Variants in CXCL17 observed in about 807,000 individuals in gnomAD.
The protein encoded by CXCL17 is C-X-C motif chemokine ligand 17, also known as C-X-C motif chemokine 17.
A neutral mutation model predicts 15.5 loss-of-function variants in CXCL17; 9 were observed. The observed-to-expected ratio is 0.58, with a 90% confidence interval of 0.35 to 1.01. CXCL17 has a LOEUF of 1.01. CXCL17 is among the 50% of genes least tolerant of loss of function. The pLI is 0.02. For synonymous variants in CXCL17, 52 were observed against 52.3 expected (o/e 0.99, Z 0.02); for missense variants, 133 against 138.2 (o/e 0.96, Z 0.19).
At chr19:42,442,111 A>G (rs1417317936) in intron 1 of CXCL17, among the ~76,000 whole-genome samples, 1 of 152,128 alleles carries the variant, frequency 6.6e-6, no homozygotes, top group Non-Finnish European at 1.5e-5. Context: ...TCTTTTGGAA[A>G]AGTGTTGGGG....
At chr19:42,439,323 T>C (rs992061340) in intron 1 of CXCL17, among the ~76,000 whole-genome samples, 4 of 139,374 alleles carry the variant, frequency 2.9e-5, no homozygotes, top group African/African-American at 8.0e-5. Context: ...TCCGATTAAA[T>C]AAATGTAGAA....
chr19:42,433,937 G>T, intron 1 of CXCL17, 81 bp from the exon 2 acceptor site: 1 of 978,344 alleles, frequency 1.0e-6, no homozygotes, highest in Non-Finnish European at 1.6e-6. Flanking sequence ...ACCTAGGTCA[G>T]CACAGTTCCA....
intron 1 of CXCL17, among the ~76,000 whole-genome samples, chr19:42,438,401 TATATA>T (rs2040857415): frequency 1.0e-5 from 1 of 99,952 alleles, no homozygotes; most frequent in African/African-American, 4.8e-5. Flanking sequence ...TATATATATA[TATATA>T]AAATACACAC....
chr19:42,428,840 CT>C lies in CXCL17; in HGVS notation c.*43del. On this transcript the variant is annotated 3_prime_UTR_variant, in exon 4 of 4. Transcript: ENST00000601181. The stretch of plus-strand genomic sequence containing the variant: ...GTCTGGTAGGTGTGCTCACTGTCTT[CT>C]TGGCTGAGAATGTTTAATTGGAAGA... 1 of 1,473,136 alleles carries C rather than the reference CT, an allele frequency of 6.8e-7. No individual in the cohort carries two copies. The highest frequency in any genetic ancestry group is 9.5e-7 in the Non-Finnish European group (1 of 1,051,834). The allele number at this position is 1,473,136 out of a possible 1,614,324, so 91.3% of individuals were successfully genotyped here.
chr19:42,435,986 C>T (rs2040830816), intron 1 of CXCL17, among the ~76,000 whole-genome samples: 1 of 152,148 alleles, frequency 6.6e-6, no homozygotes, highest in Admixed American at 6.5e-5. Flanking sequence ...ATCCAGCCTG[C>T]AGAACTGTGA....
chr19:42,435,828 TA>T (rs34518705), intron 1 of CXCL17, among the ~76,000 whole-genome samples: 28,299 of 136,722 alleles, frequency 0.21, 4,450 homozygotes, highest in African/African-American at 0.44. Context: ...AGACTTTGTC[TA>T]AAAAAAAAAA....
intron 3 of CXCL17, among the ~76,000 whole-genome samples, chr19:42,429,994 C>T (rs1468428278): frequency 1.3e-5 from 2 of 151,840 alleles, no homozygotes; most frequent in Non-Finnish European, 2.9e-5. Flanking sequence ...ATGGCGAAAT[C>T]CTATCTCTAC....
chr19:42,432,936 G>T, intron 3 of CXCL17, 40 bp downstream of exon 3: 1 of 1,469,636 alleles, frequency 6.8e-7, no homozygotes. Flanking sequence ...ATTTCACGGA[G>T]TGACTCTGGT....
chr19:42,431,428 C>G (rs1461160054), intron 3 of CXCL17, among the ~76,000 whole-genome samples: 1 of 152,074 alleles, frequency 6.6e-6, no homozygotes, highest in Admixed American at 6.6e-5. Flanking sequence ...TCAGTGAAGT[C>G]AGATTTATTT....
intron 1 of CXCL17, among the ~76,000 whole-genome samples, chr19:42,436,110 A>T (rs186194743): frequency 3.4e-4 from 50 of 149,218 alleles, no homozygotes; most frequent in Non-Finnish European, 7.3e-5. Context: ...TTGGTTCAGT[A>T]GTCATTCAGG....
At chr19:42,433,434 G>T (rs2040803137) in intron 2 of CXCL17, among the ~76,000 whole-genome samples, 1 of 152,162 alleles carries the variant, frequency 6.6e-6, no homozygotes, top group Non-Finnish European at 1.5e-5. Context: ...TTTCAGTCTT[G>T]CCTGTGAGTA....
intron 1 of CXCL17, among the ~76,000 whole-genome samples, chr19:42,441,357 G>C (rs537908753): frequency 6.6e-6 from 1 of 152,306 alleles, no homozygotes; most frequent in East Asian, 1.9e-4. Flanking sequence ...TGAGCTGGGT[G>C]TGTGAGCAAA....
At chr19:42,429,319 G>A (rs1266130821) in intron 3 of CXCL17, among the ~76,000 whole-genome samples, 2 of 150,618 alleles carry the variant, frequency 1.3e-5, no homozygotes, top group African/African-American at 4.9e-5. Context: ...GAGCCACCAT[G>A]CCTGGCCTTC....
chr19:42,434,512 T>C (rs1468887162), intron 1 of CXCL17, among the ~76,000 whole-genome samples: 1 of 152,200 alleles, frequency 6.6e-6, no homozygotes, highest in African/African-American at 2.4e-5. Flanking sequence ...CACTGCAGCC[T>C]TGACCTCCTG....
At chr19:42,436,453 G>A (rs576551750) in intron 1 of CXCL17, among the ~76,000 whole-genome samples, 1 of 151,412 alleles carries the variant, frequency 6.6e-6, no homozygotes, top group African/African-American at 2.4e-5. Flanking sequence ...AAATCCCAGA[G>A]ATTATTTAAT....
At chr19:42,438,381 A>AT (rs1338855267) in intron 1 of CXCL17, among the ~76,000 whole-genome samples, 72 of 63,792 alleles carry the variant, frequency 1.1e-3, no homozygotes, top group East Asian at 2.6e-3. Flanking sequence ...AAAAAAAAAA[A>AT]ATATATATAT....
At chr19:42,434,728 C>T (rs2040816280) in intron 1 of CXCL17, among the ~76,000 whole-genome samples, 1 of 152,110 alleles carries the variant, frequency 6.6e-6, no homozygotes, top group African/African-American at 2.4e-5. Flanking sequence ...CCACACCCAC[C>T]CCAAGTAGCT....
chr19:42,429,083 A>G lies in CXCL17; in HGVS notation c.263-102T>C. ...TGCTCTATTGCCCAGGCTGGAGTGC[A>G]GTGGCAGGATCTCAACTCACTGCAA... On this transcript the variant is annotated intron_variant, in intron 3 of 3. Coordinates refer to ENST00000601181, the MANE Select transcript of CXCL17 (RefSeq NM_198477.3). 5 of 870,214 alleles carry G rather than the reference A, an allele frequency of 5.7e-6. No individual in the cohort carries two copies. The South Asian group carries it at 7.2e-5, about 12-fold the overall frequency. 53.9% of individuals were successfully genotyped at this position (870,214 alleles called of 1,614,324 possible).
chr19:42,429,045 G>A, intron 3 of CXCL17, 64 bp from the exon 4 acceptor site: 1 of 1,254,008 alleles, frequency 8.0e-7, no homozygotes, highest in Non-Finnish European at 1.2e-6. Flanking sequence ...TTTTTTTTTT[G>A]GAGACGGAGT....
Sources: gnomAD v4.1 joint callset for allele counts (sites outside exome capture counted in the v4.1 genomes callset) on GRCh38, gnomAD v4.1.1 for gene constraint, MANE v1.5 for transcripts, NCBI Gene and HGNC (gene_info 2026-07-23, HGNC 2026-07-21) for gene names.